Variants in IQCM observed in about 807,000 individuals in gnomAD.
IQCM encodes IQ motif containing M, also known as IQ domain-containing protein M.
IQCM carries 45 observed loss-of-function variants against 57.6 expected under a neutral mutation model. That is an observed-to-expected ratio of 0.78 (90% CI 0.62 to 1.00). The LOEUF is 1.00. IQCM is among the 50% of genes least tolerant of loss of function. IQCM has a pLI of 0.00. For missense variants in IQCM, 468 were observed against 511.6 expected, an observed-to-expected ratio of 0.91 and a Z score of 0.82; for synonymous variants, 148 against 158.9, an observed-to-expected ratio of 0.93 and a Z score of 0.51.
chr4:149,554,182 C>T (rs1428572391), intron 10 of IQCM, among the ~76,000 whole-genome samples: 1 of 152,014 alleles, frequency 6.6e-6, no homozygotes, highest in Non-Finnish European at 1.5e-5. Context: ...CTGTGTTTTG[C>T]ATACCGTATT....
At chr4:149,665,037 G>C (rs1050600333) in intron 7 of IQCM, among the ~76,000 whole-genome samples, 1 of 152,146 alleles carries the variant, frequency 6.6e-6, no homozygotes, top group Non-Finnish European at 1.5e-5. Flanking sequence ...TAGGCTCTGG[G>C]CAGTCAGAAT....
At chr4:149,517,101 G>T (rs1286991557) in intron 12 of IQCM, among the ~76,000 whole-genome samples, 6 of 123,524 alleles carry the variant, frequency 4.9e-5, no homozygotes, top group African/African-American at 1.8e-4. Flanking sequence ...GAAGGTTTGG[G>T]TCACTCCACC....
chr4:149,675,786 A>T (rs568870289), intron 7 of IQCM, among the ~76,000 whole-genome samples: 75 of 152,056 alleles, frequency 4.9e-4, no homozygotes, highest in African/African-American at 1.8e-3. Flanking sequence ...ACTTTAGGGG[A>T]TCCCTCCTCT....
intron 2 of IQCM, among the ~76,000 whole-genome samples, chr4:149,778,702 G>C (rs1016116742): frequency 3.3e-5 from 5 of 151,780 alleles, no homozygotes; most frequent in African/African-American, 1.2e-4. Flanking sequence ...AAAAAATAAG[G>C]AAATATTAAA....
At chr4:149,447,876 T>C (rs1181002007) in intron 12 of IQCM, among the ~76,000 whole-genome samples, 1 of 151,638 alleles carries the variant, frequency 6.6e-6, no homozygotes, top group Admixed American at 6.6e-5. Flanking sequence ...TAATCTGTAA[T>C]GAATCCAGAC....
At chr4:149,405,840 T>TAC (rs1473130147) in intron 13 of IQCM, among the ~76,000 whole-genome samples, 12 of 147,050 alleles carry the variant, frequency 8.2e-5, no homozygotes, top group African/African-American at 3.0e-4. Flanking sequence ...TATATATATA[T>TAC]ATATATATAT....
At chr4:149,481,708 T>TTGTTTGTTTTTTGTTTTTTG (rs1740875597) in intron 12 of IQCM, among the ~76,000 whole-genome samples, 1 of 134,710 alleles carries the variant, frequency 7.4e-6, no homozygotes, top group South Asian at 2.4e-4. Flanking sequence ...TTTGTTTTTT[T>TTGTTTGTTTTTTGTTTTTTG]TTTTTTTTTT....
chr4:149,719,539 T>A (rs1765272450), intron 5 of IQCM, among the ~76,000 whole-genome samples: 1 of 152,174 alleles, frequency 6.6e-6, no homozygotes, highest in Non-Finnish European at 1.5e-5. Flanking sequence ...AAGGGAGGAA[T>A]TCACTGATTC....
At chr4:149,405,141 G>GA (rs935026630) in intron 13 of IQCM, among the ~76,000 whole-genome samples, 4 of 151,260 alleles carry the variant, frequency 2.6e-5, no homozygotes, top group East Asian at 2.0e-4. Context: ...AAAAAGAAAG[G>GA]AAAAAAAAGA....
chr4:149,647,959 G>T (rs1206130851), intron 7 of IQCM, among the ~76,000 whole-genome samples: 1 of 152,048 alleles, frequency 6.6e-6, no homozygotes, highest in African/African-American at 2.4e-5. Context: ...GCTCTGTGTT[G>T]CATTCTGGAT....
chr4:149,600,824 G>A (rs1392879491), intron 8 of IQCM, among the ~76,000 whole-genome samples: 6 of 152,118 alleles, frequency 3.9e-5, no homozygotes, highest in Admixed American at 1.3e-4. Context: ...TGTTGAAACT[G>A]TCCAGATTAA....
chr4:149,425,409 A>T (rs1734395814), intron 13 of IQCM, among the ~76,000 whole-genome samples: 1 of 151,958 alleles, frequency 6.6e-6, no homozygotes, highest in Non-Finnish European at 1.5e-5. Flanking sequence ...TCTGAGAACT[A>T]GGGGAGCCAA....
At chr4:149,788,376 G>T (rs1772269237) in intron 2 of IQCM, among the ~76,000 whole-genome samples, 1 of 152,064 alleles carries the variant, frequency 6.6e-6, no homozygotes, top group Non-Finnish European at 1.5e-5. Flanking sequence ...CAAATGACCA[G>T]AAGGTATGTG....
chr4:149,760,433 A>AGTGAAC (rs1334589171), intron 2 of IQCM, among the ~76,000 whole-genome samples: 1 of 152,134 alleles, frequency 6.6e-6, no homozygotes, highest in Non-Finnish European at 1.5e-5. Flanking sequence ...GAAGGTTGAA[A>AGTGAAC]GTGAACTTAA....
At chr4:149,503,523 GA>G (rs1743479423) in intron 12 of IQCM, among the ~76,000 whole-genome samples, 1 of 152,092 alleles carries the variant, frequency 6.6e-6, no homozygotes, top group East Asian at 1.9e-4. Flanking sequence ...AGTTTTTAGA[GA>G]AAATTTTTGA....
chr4:149,660,166 G>T (rs1467402920), intron 7 of IQCM, among the ~76,000 whole-genome samples: 3 of 151,296 alleles, frequency 2.0e-5, no homozygotes, highest in Non-Finnish European at 4.4e-5. Flanking sequence ...CAAAAAGTGG[G>T]TGAAGGATAT....
At chr4:149,420,939 T>C (rs1203280066) in intron 13 of IQCM, among the ~76,000 whole-genome samples, 1 of 152,174 alleles carries the variant, frequency 6.6e-6, no homozygotes, top group Non-Finnish European at 1.5e-5. Context: ...ACTATTAAAG[T>C]CTATAGTAGG....
At chr4:149,600,859 T>C (rs1754210163) in intron 8 of IQCM, among the ~76,000 whole-genome samples, 1 of 152,210 alleles carries the variant, frequency 6.6e-6, no homozygotes, top group South Asian at 2.1e-4. Flanking sequence ...AGCTCTATTA[T>C]CCAAATACCT....
intron 12 of IQCM, among the ~76,000 whole-genome samples, chr4:149,495,926 A>T (rs904083215): frequency 6.6e-6 from 1 of 152,162 alleles, no homozygotes; most frequent in African/African-American, 2.4e-5. Flanking sequence ...TAAAAATCTT[A>T]TAGCTCCTTA....
Sources: allele counts gnomAD v4.1 joint callset (sites outside exome capture counted in the v4.1 genomes callset), GRCh38; gene constraint gnomAD v4.1.1; transcripts MANE v1.5; gene names NCBI Gene and HGNC (gene_info 2026-07-23, HGNC 2026-07-21).